The following SV2C variants were observed in gnomAD, a reference collection of about 807,000 sequenced individuals.
SV2C encodes synaptic vesicle glycoprotein 2C, also known as solute carrier family 22 member B3.
A neutral mutation model predicts 79.7 loss-of-function variants in SV2C; 49 were observed. The observed-to-expected ratio is 0.61, with a 90% CI of 0.49 to 0.78. The LOEUF (loss-of-function observed/expected upper bound fraction) is 0.78. Among genes scored for constraint, SV2C ranks in the 30% least tolerant of loss-of-function variants. The pLI is 0.00. For synonymous variants in SV2C, 334 were observed against 333.2 expected (o/e 1.00, Z -0.03); for missense variants, 833 against 912.9 (o/e 0.91, Z 1.13).
At chr5:76,254,143 ATT>A (rs1746193239) in intron 4 of SV2C, among the ~76,000 whole-genome samples, 2 of 115,266 alleles carry the variant, frequency 1.7e-5, no homozygotes, top group South Asian at 5.3e-4. Context: ...TATATGTGTT[ATT>A]ATATATATAT....
At chr5:75,867,638 T>C in the SV2C span, among the ~76,000 whole-genome samples, 1 of 152,224 alleles carries the variant, frequency 6.6e-6, no homozygotes, top group South Asian at 2.1e-4. Flanking sequence ...ACATCTGTTA[T>C]ATTTGATTCC....
chr5:75,881,103 A>C, the SV2C span, among the ~76,000 whole-genome samples: 1 of 152,168 alleles, frequency 6.6e-6, no homozygotes, highest in African/African-American at 2.4e-5. Context: ...CACCAAGGGG[A>C]TGCCGCTAAG....
Position 76,301,467 on chromosome 5 carries a change from G to A in SV2C, c.1922G>A (p.Cys641Tyr). ...TSESMMIGML[C>Y]LYNGLTISAW... is the part of the protein sequence containing the mutation. ...GAATCCATGATGATAGGCATGCTGT[G>A]TCTGTACAATGGATTGACCATCTCA... Residue 641 changes from cysteine to tyrosine, a missense_variant, in exon 12 of 13, where the codon TGT becomes TAT. Cys to Tyr is a radical substitution (Grantham distance 194). Transcript: ENST00000502798. 6.2e-7 allele frequency: 1 copy of A among 1,614,078 alleles called. No individual in the cohort carries two copies. Among genetic ancestry groups the A allele is most frequent in the Non-Finnish European group, 8.5e-7 (1 of 1,179,996 alleles).
At chr5:76,286,023 A>AATGTTAAAAT (rs963330205) in intron 6 of SV2C, 153 bp downstream of exon 6, 4 of 592,080 alleles carry the variant, frequency 6.8e-6, no homozygotes, top group Non-Finnish European at 1.2e-5. Context: ...AGCCATAGGC[A>AATGTTAAAAT]ATGTTAAAAT....
the SV2C span, among the ~76,000 whole-genome samples, chr5:76,036,055 T>G: frequency 3.9e-5 from 6 of 152,112 alleles, no homozygotes; most frequent in Non-Finnish European, 8.8e-5. Flanking sequence ...TATCAGAGAC[T>G]AGGATTGCAA....
At position 76,296,810 on chromosome 5, in the gene SV2C, G is replaced by A. The variant is rs549962044; in HGVS notation, c.1502+868G>A. ...TGGAAAAGAGGGTTACTAACTAGGA[G>A]GTAATTGTTCAAATTAGCAATTCAA... is the stretch of plus-strand genomic sequence containing the variant. On this transcript the variant is annotated intron_variant, in intron 9 of 12. Transcript: ENST00000502798. 2.6e-5 allele frequency among the ~76,000 whole-genome samples: 4 copies of A among 152,264 alleles called. No individual in the cohort carries two copies. In the South Asian group the frequency reaches 8.3e-4, roughly 32 times the overall value.
At chr5:76,233,377 G>A (rs571982169) in intron 4 of SV2C, among the ~76,000 whole-genome samples, 24 of 140,046 alleles carry the variant, frequency 1.7e-4, no homozygotes, top group African/African-American at 4.5e-4. Flanking sequence ...CAATCACGTC[G>A]TCTGCAAACA....
chr5:76,146,823 C>CAAAA (rs1749449157), intron 2 of SV2C, among the ~76,000 whole-genome samples: 6 of 109,426 alleles, frequency 5.5e-5, no homozygotes, highest in East Asian at 2.8e-4. Flanking sequence ...AAAAAAAAGC[C>CAAAA]AAACAAAACA....
the SV2C span, among the ~76,000 whole-genome samples, chr5:75,929,181 C>T: frequency 3.3e-5 from 5 of 152,076 alleles, no homozygotes; most frequent in Admixed American, 6.6e-5. Flanking sequence ...CTCCACACCC[C>T]TGTGTCCAGG....
the SV2C span, among the ~76,000 whole-genome samples, chr5:76,039,924 A>G: frequency 1.3e-5 from 2 of 152,170 alleles, no homozygotes; most frequent in Non-Finnish European, 2.9e-5. Flanking sequence ...GGAACTGAAA[A>G]AGAGAAAATG....
chr5:76,227,971 C>T (rs537098302), intron 4 of SV2C, among the ~76,000 whole-genome samples: 125 of 152,122 alleles, frequency 8.2e-4, no homozygotes, highest in Non-Finnish European at 1.6e-3. Context: ...TCCCACCACC[C>T]GAGGTTTTAT....
the SV2C span, among the ~76,000 whole-genome samples, chr5:75,888,219 C>T: frequency 1.3e-5 from 2 of 151,772 alleles, no homozygotes; most frequent in Non-Finnish European, 2.9e-5. Context: ...TGGTGTAGTC[C>T]GCTGCAACCA....
At chr5:76,004,168 C>A in the SV2C span, among the ~76,000 whole-genome samples, 5 of 152,308 alleles carry the variant, frequency 3.3e-5, no homozygotes, top group East Asian at 7.7e-4. Context: ...TTCCACCAGC[C>A]AGGTGGTCAG....
chr5:75,966,086 A>G, the SV2C span, among the ~76,000 whole-genome samples: 7 of 152,216 alleles, frequency 4.6e-5, no homozygotes, highest in East Asian at 1.9e-4. Context: ...TATTTTCAAC[A>G]TTATTGATTA....
chr5:75,928,712 TC>T, the SV2C span, among the ~76,000 whole-genome samples: 2 of 152,150 alleles, frequency 1.3e-5, no homozygotes, highest in South Asian at 4.1e-4. Flanking sequence ...GTTTAAGTAC[TC>T]TTACTGTCTC....
At chr5:76,110,759 AT>A (rs768700145) in intron 1 of SV2C, among the ~76,000 whole-genome samples, 3 of 152,200 alleles carry the variant, frequency 2.0e-5, no homozygotes, top group Non-Finnish European at 4.4e-5. Context: ...TAGAAACTGA[AT>A]TCTGAAACCA....
At chr5:76,312,360 C>A (rs1748477596) in intron 12 of SV2C, among the ~76,000 whole-genome samples, 1 of 152,090 alleles carries the variant, frequency 6.6e-6, no homozygotes, top group African/African-American at 2.4e-5. Flanking sequence ...TCAAGCAATT[C>A]TCCTGCCTCG....
At chr5:76,257,374 G>A (rs996224672) in intron 4 of SV2C, among the ~76,000 whole-genome samples, 6 of 151,182 alleles carry the variant, frequency 4.0e-5, no homozygotes, top group African/African-American at 1.2e-4. Context: ...ATGTGTTGGG[G>A]TGTGGGGGGT....
chr5:76,214,962 C>T (rs1009045803), intron 4 of SV2C, among the ~76,000 whole-genome samples: 10 of 152,178 alleles, frequency 6.6e-5, no homozygotes, highest in African/African-American at 2.2e-4. Context: ...CCTGCAGAAA[C>T]ATACTCTTGT....
Sources: gnomAD v4.1 joint callset for allele counts (sites outside exome capture counted in the v4.1 genomes callset) on GRCh38, gnomAD v4.1.1 for gene constraint, MANE v1.5 for transcripts, NCBI Gene and HGNC (gene_info 2026-07-23, HGNC 2026-07-21) for gene names.